The following FTO variants were observed in gnomAD, a reference collection of about 807,000 sequenced individuals.
FTO encodes the protein alpha-ketoglutarate-dependent dioxygenase FTO.
In FTO, 47 loss-of-function variants were observed where a neutral mutation model predicts 63.9. That is an observed-to-expected ratio of 0.74 (90% CI 0.58 to 0.94). The LOEUF (loss-of-function observed/expected upper bound fraction) is 0.94. Ranked by LOEUF, FTO falls within the 40% of genes least tolerant of loss-of-function variation. The probability of loss-of-function intolerance (pLI) is 0.00; values close to 1 mark genes in which losing one functional copy is unlikely to be tolerated. For synonymous variants in FTO, 207 were observed against 224.4 expected (o/e 0.92, Z 0.69); for missense variants, 562 against 618.1 (o/e 0.91, Z 0.96).
At chr16:53,812,572 C>G (rs897145070) in intron 2 of FTO, among the ~76,000 whole-genome samples, 11 of 152,264 alleles carry the variant, frequency 7.2e-5, no homozygotes, top group Admixed American at 6.5e-4. Flanking sequence ...ATCCTCTGTA[C>G]TTCGTTCAGT....
intron 8 of FTO, among the ~76,000 whole-genome samples, chr16:54,063,452 C>T (rs1222656369): frequency 4.6e-5 from 7 of 152,146 alleles, no homozygotes; most frequent in African/African-American, 1.7e-4. Flanking sequence ...ATCCGAACAG[C>T]GCTACGTTTT....
intron 1 of FTO, among the ~76,000 whole-genome samples, chr16:53,706,105 A>G (rs923783476): frequency 1.4e-4 from 21 of 152,136 alleles, no homozygotes; most frequent in African/African-American, 4.8e-4. Context: ...TGCTTGTGAA[A>G]CATGTTGAAT....
chr16:53,810,780 A>G (rs2078499034), intron 2 of FTO, among the ~76,000 whole-genome samples: 1 of 152,250 alleles, frequency 6.6e-6, no homozygotes, highest in African/African-American at 2.4e-5. Flanking sequence ...TTAGAAGTCT[A>G]GGAGTACATG....
chr16:53,844,434 C>T (rs1214856421), intron 4 of FTO, 136 bp downstream of exon 4: 6 of 724,714 alleles, frequency 8.3e-6, no homozygotes, highest in Non-Finnish European at 1.4e-5. Flanking sequence ...TTTATAAGAA[C>T]ATGTAACTAG....
At chr16:53,820,507 T>G (rs960793563) in intron 2 of FTO, among the ~76,000 whole-genome samples, 2 of 152,024 alleles carry the variant, frequency 1.3e-5, no homozygotes, top group Admixed American at 1.3e-4. Context: ...ACTTTAAGTT[T>G]TAGGGTACAT....
At chr16:54,106,691 A>G (rs1472742844) in intron 8 of FTO, among the ~76,000 whole-genome samples, 2 of 137,038 alleles carry the variant, frequency 1.5e-5, no homozygotes, top group Non-Finnish European at 3.0e-5. Context: ...ATAAAATTAT[A>G]TAATTGTTAC....
At chr16:54,052,141 T>C (rs1273020265) in intron 8 of FTO, among the ~76,000 whole-genome samples, 1 of 152,186 alleles carries the variant, frequency 6.6e-6, no homozygotes, top group Non-Finnish European at 1.5e-5. Context: ...TATGGGCATG[T>C]AATATGTTCT....
rs542807982 is a variant in FTO, at chr16:54,089,014, G to C, written c.1365-22748G>C. Among the ~76,000 whole-genome samples the C allele has an allele frequency of 6.6e-5, 10 of 152,304 alleles. No individual in the cohort carries two copies. The South Asian group carries it at 2.1e-3, about 32-fold the overall frequency. The stretch of plus-strand genomic sequence containing the variant: ...GGAGATGGCAGGAAGTTCTTTTGAA[G>C]AATGAGAAAATTTTTCCAGGAAGGT... On this transcript the variant is annotated intron_variant, in intron 8 of 8. Transcript: ENST00000471389.
chr16:54,062,479 A>G (rs976151837), intron 8 of FTO, among the ~76,000 whole-genome samples: 44 of 152,268 alleles, frequency 2.9e-4, no homozygotes, highest in African/African-American at 1.1e-3. Flanking sequence ...CTCACCTAAG[A>G]GCAGGTGACA....
At chr16:53,814,336 C>G (rs1248495511) in intron 2 of FTO, among the ~76,000 whole-genome samples, 2 of 152,168 alleles carry the variant, frequency 1.3e-5, no homozygotes, top group African/African-American at 4.8e-5. Flanking sequence ...GAAAATGAGA[C>G]CATCCTCAGT....
chr16:53,722,049 A>G (rs975271099), intron 1 of FTO, among the ~76,000 whole-genome samples: 6 of 152,188 alleles, frequency 3.9e-5, no homozygotes, highest in African/African-American at 9.6e-5. Context: ...TAATGATTGT[A>G]TGATCCACCA....
intron 4 of FTO, among the ~76,000 whole-genome samples, chr16:53,871,569 T>TTG (rs1357258989): frequency 6.6e-6 from 1 of 152,116 alleles, no homozygotes; most frequent in Non-Finnish European, 1.5e-5. Context: ...CTCGCATATT[T>TTG]TGTGTGTGTG....
chr16:53,945,040 A>G (rs1055698833), intron 8 of FTO, among the ~76,000 whole-genome samples: 4 of 152,008 alleles, frequency 2.6e-5, no homozygotes, highest in African/African-American at 9.7e-5. Flanking sequence ...GAATCCCATC[A>G]TTAGTGACTA....
intron 8 of FTO, among the ~76,000 whole-genome samples, chr16:53,969,626 A>G (rs1567483266): frequency 6.6e-6 from 1 of 152,142 alleles, no homozygotes. Context: ...TATGCAATAG[A>G]TGTGACAGGA....
At chr16:53,915,695 C>T (rs556957265) in intron 7 of FTO, among the ~76,000 whole-genome samples, 32 of 152,256 alleles carry the variant, frequency 2.1e-4, no homozygotes, top group African/African-American at 6.7e-4. Flanking sequence ...TTTTTCTAAT[C>T]CTTTCAGAAT....
chr16:53,992,031 CTT>C (rs36019307), intron 8 of FTO: 1 of 152,094 alleles, frequency 6.6e-6, no homozygotes, highest in African/African-American at 2.4e-5. Flanking sequence ...ACAAGGACGA[CTT>C]TGAGCGTTAG....
intron 8 of FTO, among the ~76,000 whole-genome samples, chr16:54,000,376 ATCT>A (rs1349427649): frequency 5.9e-5 from 9 of 152,308 alleles, no homozygotes; most frequent in East Asian, 1.9e-4. Flanking sequence ...GAGGGGGGAA[ATCT>A]TCTTGGCATT....
intron 1 of FTO, among the ~76,000 whole-genome samples, chr16:53,753,586 T>C (rs1269736832): frequency 2.0e-5 from 3 of 152,220 alleles, no homozygotes; most frequent in Non-Finnish European, 4.4e-5. Flanking sequence ...GTGCCACTTG[T>C]GGCTCGTGTC....
chr16:54,072,660 A>G (rs2144462569), intron 8 of FTO: 1 of 152,418 alleles, frequency 6.6e-6, no homozygotes, highest in East Asian at 1.9e-4. Flanking sequence ...GGTGCAAGGC[A>G]TGGTTCAAAG....
Sources: allele counts gnomAD v4.1 joint callset (sites outside exome capture counted in the v4.1 genomes callset), GRCh38; gene constraint gnomAD v4.1.1; transcripts MANE v1.5; gene names NCBI Gene and HGNC (gene_info 2026-07-23, HGNC 2026-07-21).